FBXO4: variants seen among roughly 807,000 people sequenced by gnomAD.
FBXO4 encodes the protein F-box protein 4.
Under a neutral mutation model 43.7 loss-of-function variants are expected in FBXO4, and 36 were observed. The ratio of observed to expected loss-of-function variants is 0.82; its 90% CI spans 0.63 to 1.09. The LOEUF (loss-of-function observed/expected upper bound fraction) is 1.09, where lower values mean the gene tolerates loss of function less well. FBXO4 is among the 50% of genes least tolerant of loss of function. FBXO4 has a pLI of 0.00. For missense variants in FBXO4, 435 were observed against 474.1 expected, an observed-to-expected ratio of 0.92 and a Z score of 0.77; for synonymous variants, 180 against 165.6, an observed-to-expected ratio of 1.09 and a Z score of -0.67.
At chr5:42,030,710 T>G in the FBXO4 span, among the ~76,000 whole-genome samples, 1 of 151,930 alleles carries the variant, frequency 6.6e-6, no homozygotes, top group South Asian at 2.1e-4. Flanking sequence ...CCTACTCATC[T>G]GACAAAGGGC....
the FBXO4 span, chr5:41,967,941 G>A: frequency 5.8e-6 from 3 of 514,282 alleles, no homozygotes; most frequent in Non-Finnish European, 1.2e-5. Flanking sequence ...TGAGGATATG[G>A]CAGAGACTTG....
At chr5:41,988,889 A>G in the FBXO4 span, among the ~76,000 whole-genome samples, 1 of 152,242 alleles carries the variant, frequency 6.6e-6, no homozygotes. Context: ...CAAAAAAGAT[A>G]TAGAAGATCT....
chr5:41,970,679 A>G, the FBXO4 span, among the ~76,000 whole-genome samples: 12 of 152,128 alleles, frequency 7.9e-5, no homozygotes, highest in East Asian at 2.3e-3. Flanking sequence ...TTTATCAGTC[A>G]TAGTGCCACC....
chr5:41,956,670 G>A, the FBXO4 span, among the ~76,000 whole-genome samples: 2 of 147,410 alleles, frequency 1.4e-5, no homozygotes, highest in African/African-American at 5.0e-5. Context: ...TAAGAAGTCA[G>A]CTGTCATTAT....
At chr5:41,981,124 A>T in the FBXO4 span, among the ~76,000 whole-genome samples, 4 of 152,062 alleles carry the variant, frequency 2.6e-5, no homozygotes, top group African/African-American at 4.8e-5. Context: ...TCATAACTTA[A>T]TACTATATCA....
intron 5 of FBXO4, chr5:41,934,588 G>A: frequency 1.5e-6 from 2 of 1,320,564 alleles, no homozygotes; most frequent in Middle Eastern, 2.9e-4. Context: ...TTTTTTCCAA[G>A]CACCCAGGGA....
At chr5:42,016,065 C>T in the FBXO4 span, among the ~76,000 whole-genome samples, 1 of 151,904 alleles carries the variant, frequency 6.6e-6, no homozygotes, top group Non-Finnish European at 1.5e-5. Flanking sequence ...CATTGGGAAG[C>T]ACAAAGAAAA....
chr5:42,014,253 C>T, the FBXO4 span, among the ~76,000 whole-genome samples: 1 of 152,072 alleles, frequency 6.6e-6, no homozygotes, highest in Non-Finnish European at 1.5e-5. Context: ...ACATCCGCTA[C>T]CCCCATCTTC....
intron 2 of FBXO4, among the ~76,000 whole-genome samples, chr5:41,929,344 G>A (rs1424833660): frequency 6.6e-6 from 1 of 151,942 alleles, no homozygotes; most frequent in African/African-American, 2.4e-5. Context: ...AATGTTCCAG[G>A]GGGGCAGGGA....
the FBXO4 span, among the ~76,000 whole-genome samples, chr5:41,978,357 A>C: frequency 1.3e-5 from 2 of 152,222 alleles, no homozygotes; most frequent in Non-Finnish European, 1.5e-5. Context: ...ACAAACATTC[A>C]AACTCTATTA....
intron 5 of FBXO4, among the ~76,000 whole-genome samples, chr5:41,939,041 C>T (rs1334230325): frequency 1.3e-5 from 2 of 152,160 alleles, no homozygotes; most frequent in Non-Finnish European, 2.9e-5. Context: ...GTTCTTCAGA[C>T]ACTAAAGAGG....
chr5:42,030,398 A>G, the FBXO4 span, among the ~76,000 whole-genome samples: 12 of 152,056 alleles, frequency 7.9e-5, no homozygotes, highest in African/African-American at 2.9e-4. Flanking sequence ...AAAACTGGCT[A>G]GCCATATGTA....
chr5:41,940,836 G>A (rs1308264059), intron 6 of FBXO4, among the ~76,000 whole-genome samples: 1 of 152,124 alleles, frequency 6.6e-6, no homozygotes, highest in Admixed American at 6.5e-5. Context: ...TTTTGCAACA[G>A]GATGTCACAC....
chr5:41,953,253 T>C, the FBXO4 span, among the ~76,000 whole-genome samples: 1 of 151,828 alleles, frequency 6.6e-6, no homozygotes, highest in East Asian at 1.9e-4. Flanking sequence ...GGTGTTTGGT[T>C]TTTTGTCCTT....
At chr5:41,942,535 ACCTT>A (rs1579989775), downstream of FBXO4, among the ~76,000 whole-genome samples, 3 of 152,078 alleles carry the variant, frequency 2.0e-5, no homozygotes, top group East Asian at 5.8e-4. Flanking sequence ...TTAAACTAGT[ACCTT>A]ATGCTCTTTT....
chr5:42,029,684 C>G, the FBXO4 span, among the ~76,000 whole-genome samples: 275 of 151,544 alleles, frequency 1.8e-3, 6 homozygotes, highest in Non-Finnish European at 6.0e-4. Context: ...TTTCAAATAT[C>G]CTGACTCCAA....
chr5:41,936,411 G>A (rs899674987), intron 5 of FBXO4, among the ~76,000 whole-genome samples: 2 of 152,226 alleles, frequency 1.3e-5, no homozygotes, highest in Admixed American at 1.3e-4. Context: ...GCACGTGCCT[G>A]TAGTCGCAAC....
At chr5:42,033,952 G>A in the FBXO4 span, among the ~76,000 whole-genome samples, 5 of 152,174 alleles carry the variant, frequency 3.3e-5, no homozygotes, top group Non-Finnish European at 5.9e-5. Context: ...TTCAGCAATG[G>A]TTGAATTAAT....
the FBXO4 span, among the ~76,000 whole-genome samples, chr5:42,000,215 A>G: frequency 7.9e-5 from 12 of 152,044 alleles, no homozygotes; most frequent in Non-Finnish European, 1.6e-4. Context: ...TGCTTTATCC[A>G]TTTATTTGTT....
Sources: gnomAD v4.1 joint callset for allele counts (sites outside exome capture counted in the v4.1 genomes callset) on GRCh38, gnomAD v4.1.1 for gene constraint, MANE v1.5 for transcripts, NCBI Gene and HGNC (gene_info 2026-07-23, HGNC 2026-07-21) for gene names.